The following PGM3 variants were observed in gnomAD, a reference collection of about 807,000 sequenced individuals.
PGM3 encodes the protein phosphoacetylglucosamine mutase.
PGM3 carries 40 observed loss-of-function variants against 66.2 expected under a neutral mutation model. That is an observed-to-expected ratio of 0.60 (90% CI 0.47 to 0.79). PGM3 has a LOEUF of 0.79. Among genes scored for constraint, PGM3 ranks in the 30% least tolerant of loss-of-function variants. The probability of loss-of-function intolerance (pLI) is 0.00; values close to 1 mark genes in which losing one functional copy is unlikely to be tolerated. For missense variants in PGM3, 537 were observed against 643.4 expected (o/e 0.83, Z 1.79); for synonymous variants, 191 against 224.2 (o/e 0.85, Z 1.32).
intron 8 of PGM3, among the ~76,000 whole-genome samples, chr6:83,176,882 C>A (rs1787810658): frequency 6.6e-6 from 1 of 152,148 alleles, no homozygotes; most frequent in African/African-American, 2.4e-5. Flanking sequence ...AAAACAATAA[C>A]CCAAGTACTG....
chr6:83,188,875 T>C, intron 2 of PGM3, 77 bp from the exon 3 acceptor site: 2 of 1,217,508 alleles, frequency 1.6e-6, no homozygotes, highest in South Asian at 2.7e-5. Flanking sequence ...AAAAGCTGTT[T>C]CCCTTCAACC....
Position 83,182,982 on chromosome 6 carries a change from T to C in PGM3, c.458-4A>G. On this transcript the variant is annotated splice_polypyrimidine_tract_variant and splice_region_variant and intron_variant, in intron 4 of 12. Coordinates refer to ENST00000513973, the MANE Select transcript of PGM3 (RefSeq NM_015599.3). ...GGTGTTGTTAACAAGCCATAATCTG[T>C]CATAGAAATACAAAAAGCAATTCAC... 6 of 1,610,302 alleles carry C rather than the reference T, an allele frequency of 3.7e-6. No individual in the cohort carries two copies. The highest frequency in any genetic ancestry group is 1.1e-5 in the South Asian group (1 of 89,898).
the PGM3 span, among the ~76,000 whole-genome samples, chr6:83,150,171 T>C: frequency 2.6e-5 from 4 of 152,166 alleles, no homozygotes; most frequent in Non-Finnish European, 5.9e-5. Context: ...GCCCAGAGTT[T>C]GAGACCAGCC....
chr6:83,168,198 G>A lies in PGM3; in HGVS notation c.*1036C>T, dbSNP rs762974996. 2.5e-6 allele frequency: 4 copies of A among 1,582,630 alleles called. No individual in the cohort carries two copies. Among genetic ancestry groups the A allele is most frequent in the Non-Finnish European group, 3.4e-6 (4 of 1,167,374 alleles). ...ATTGCTGGTTCCATTTAGCTTACAT[G>A]TAAATGTAATTATTTAAAACACACA... On this transcript the variant is annotated 3_prime_UTR_variant, in exon 13 of 13. Coordinates refer to ENST00000513973, the MANE Select transcript of PGM3 (RefSeq NM_015599.3).
chr6:83,160,255 C>T (rs1321103972), downstream of PGM3, among the ~76,000 whole-genome samples: 1 of 152,134 alleles, frequency 6.6e-6, no homozygotes, highest in Admixed American at 6.5e-5. Context: ...GGCTCATGCA[C>T]AAGACACACT....
chr6:83,190,748 A>C, intron 2 of PGM3, 61 bp downstream of exon 2: 4 of 1,279,628 alleles, frequency 3.1e-6, no homozygotes, highest in Non-Finnish European at 4.5e-6. Flanking sequence ...CAATTTGCTC[A>C]GACACTAAGG....
At chr6:83,160,556 T>C (rs1783990010), downstream of PGM3, among the ~76,000 whole-genome samples, 1 of 152,206 alleles carries the variant, frequency 6.6e-6, no homozygotes, top group Non-Finnish European at 1.5e-5. Context: ...ATTTTGGCTA[T>C]GTAGTGTGGA....
At position 83,168,012 on chromosome 6, in the gene PGM3, T is replaced by C. The variant is rs1786257641; in HGVS notation, c.*1222A>G. On this transcript the variant is annotated 3_prime_UTR_variant, in exon 13 of 13. Coordinates refer to ENST00000513973, the MANE Select transcript of PGM3 (RefSeq NM_015599.3). ...CTTCAACAGCAAAGTCACAAGCCGA[T>C]GTGGAGGACACTCAGGGAGTCCTAT... 1.9e-6 allele frequency: 3 copies of C among 1,614,198 alleles called. No individual in the cohort carries two copies. The highest frequency in any genetic ancestry group is 2.5e-6 in the Non-Finnish European group (3 of 1,180,044).
downstream of PGM3, among the ~76,000 whole-genome samples, chr6:83,164,001 C>G (rs1784836299): frequency 6.6e-6 from 1 of 151,142 alleles, no homozygotes; most frequent in Admixed American, 6.6e-5. Context: ...CACCATTGGG[C>G]CTTTGTTATT....
downstream of PGM3, among the ~76,000 whole-genome samples, chr6:83,164,273 G>C (rs988837776): frequency 6.6e-6 from 1 of 151,632 alleles, no homozygotes; most frequent in African/African-American, 2.4e-5. Flanking sequence ...TAAATTCCTA[G>C]TTGCTTCTGT....
At chr6:83,169,778 C>T (rs906217910) in intron 12 of PGM3, 3 of 457,606 alleles carry the variant, frequency 6.6e-6, no homozygotes, top group African/African-American at 6.0e-5. Context: ...CCTGGCTTTG[C>T]ACACACTTTA....
At chr6:83,193,577 C>A (rs1343475665), upstream of PGM3, 1 of 151,322 alleles carries the variant, frequency 6.6e-6, no homozygotes, top group East Asian at 2.0e-4. Context: ...CCTGGGAAGC[C>A]GGGGTTCCTA....
downstream of PGM3, chr6:83,159,790 T>C (rs1052774030): frequency 1.2e-6 from 2 of 1,613,992 alleles, no homozygotes; most frequent in African/African-American, 2.7e-5. Context: ...TGTCTCCTGC[T>C]TACAGGACTT....
intron 10 of PGM3, 32 bp from the exon 11 acceptor site, chr6:83,172,091 C>G (rs764994286): frequency 9.3e-6 from 15 of 1,611,050 alleles, no homozygotes; most frequent in Non-Finnish European, 1.3e-5. Flanking sequence ...GAAGAAACCA[C>G]TTAACACAAG....
intron 2 of PGM3, 172 bp downstream of exon 2, chr6:83,190,637 G>A: frequency 1.6e-6 from 1 of 608,394 alleles, no homozygotes; most frequent in East Asian, 2.7e-5. Context: ...TAGGAATCAT[G>A]AGCTTAATGA....
intron 8 of PGM3, 70 bp from the exon 9 acceptor site, chr6:83,176,130 C>T: frequency 1.2e-6 from 1 of 852,164 alleles, no homozygotes; most frequent in South Asian, 1.4e-5. Flanking sequence ...TACCTAGTAT[C>T]CCAGAGATAC....
chr6:83,192,201 G>A lies in PGM3; in HGVS notation c.-3+978C>T, dbSNP rs376165764. On this transcript the variant is annotated intron_variant, in intron 1 of 12. Coordinates refer to ENST00000513973, the MANE Select transcript of PGM3 (RefSeq NM_015599.3). ...GAATCGCTTGAACCCGCGGGTGGAG[G>A]TCGCAGTGAGCCGAGATCGCGCCAC... 1.1e-4 allele frequency among the ~76,000 whole-genome samples: 17 copies of A among 152,202 alleles called. No homozygotes were observed. In the East Asian group the frequency reaches 2.7e-3, roughly 24 times the overall value.
At chr6:83,184,577 G>C (rs576453339) in intron 4 of PGM3, among the ~76,000 whole-genome samples, 1 of 152,174 alleles carries the variant, frequency 6.6e-6, no homozygotes, top group South Asian at 2.1e-4. Context: ...TAAATGACTA[G>C]TATATATACC....
Position 83,187,044 on chromosome 6 carries a change from T to C in PGM3, c.421A>G (p.Ile141Val), listed in dbSNP as rs1788635381. ...PSSEKLSQSV[I>V]DGVTVLGGQF... ...CCTCCTAGAACAGTCACACCATCTA[T>C]TACAGATTGTGAAAGTTTCTCACTG... The change falls in exon 4 of 13, where the codon ATA becomes GTA. Residue 141 changes from isoleucine to valine, a missense_variant. Ile to Val is a conservative substitution (Grantham distance 29, BLOSUM62 3). Coordinates refer to ENST00000513973, the MANE Select transcript of PGM3 (RefSeq NM_015599.3). 2 of 1,602,878 alleles carry C rather than the reference T, an allele frequency of 1.2e-6. No homozygotes were observed. The highest frequency in any genetic ancestry group is 1.3e-5 in the African/African-American group (1 of 74,866).
Sources: allele counts gnomAD v4.1 joint callset (sites outside exome capture counted in the v4.1 genomes callset), GRCh38; gene constraint gnomAD v4.1.1; transcripts MANE v1.5; gene names NCBI Gene and HGNC (gene_info 2026-07-23, HGNC 2026-07-21).